Variants in HMGCL observed in about 807,000 individuals in gnomAD.
HMGCL encodes the protein hydroxymethylglutaryl-CoA lyase, mitochondrial.
In HMGCL, 26 loss-of-function variants were observed where a neutral mutation model predicts 37.3. That is an observed-to-expected ratio of 0.70 (90% CI 0.51 to 0.97). HMGCL has a LOEUF of 0.97. Among genes scored for constraint, HMGCL ranks in the 50% least tolerant of loss-of-function variants. The pLI, the probability that HMGCL is intolerant of heterozygous loss-of-function variation, is 0.00. For synonymous variants in HMGCL, 151 were observed against 148.0 expected, an observed-to-expected ratio of 1.02 and a Z score of -0.15; for missense variants, 379 against 398.1, an observed-to-expected ratio of 0.95 and a Z score of 0.41.
chr1:23,804,452 T>C lies in HMGCL; in HGVS notation c.824A>G (p.Asn275Ser), dbSNP rs774486153. 8 of 1,614,048 alleles carry C rather than the reference T, an allele frequency of 5.0e-6. No individual in the cohort carries two copies. The Admixed American group carries it at 1.2e-4, about 24-fold the overall frequency. Reference sequence around the variant, plus strand: ...GTAGACCAGGTCTTCTGTGGCCAAGTTTCCTGATGCCCCCTGTGCGTAGGG... The same window carrying C: ...GTAGACCAGGTCTTCTGTGGCCAAGCTTCCTGATGCCCCCTGTGCGTAGGG... ...GCPYAQGASG[N>S]LATEDLVYML... The change falls in exon 8 of 9, where the codon AAC (asparagine) becomes AGC (serine). Residue 275 changes from asparagine (N) to serine (S), a missense_variant. Asn to Ser is a conservative substitution (Grantham distance 46, BLOSUM62 1). Coordinates refer to ENST00000374490, the MANE Select transcript of HMGCL (RefSeq NM_000191.3).
At chr1:23,822,846 C>T (rs1363647902) in intron 1 of HMGCL, among the ~76,000 whole-genome samples, 3 of 152,072 alleles carry the variant, frequency 2.0e-5, no homozygotes, top group Admixed American at 1.3e-4. Context: ...AATAGGGGCT[C>T]GATAAATAAC....
intron 7 of HMGCL, among the ~76,000 whole-genome samples, chr1:23,805,487 G>C (rs1638390770): frequency 6.6e-6 from 1 of 152,200 alleles, no homozygotes. Context: ...CACTGAAACA[G>C]CTCTAGTCAA....
At chr1:23,821,450 G>T (rs1638718152) in intron 1 of HMGCL, among the ~76,000 whole-genome samples, 1 of 152,098 alleles carries the variant, frequency 6.6e-6, no homozygotes, top group African/African-American at 2.4e-5. Flanking sequence ...GAGGCCAGAG[G>T]TTCGAGATCA....
intron 1 of HMGCL, 56 bp from the exon 2 acceptor site, chr1:23,820,649 G>T: frequency 1.7e-6 from 2 of 1,147,054 alleles, no homozygotes; most frequent in Non-Finnish European, 2.7e-6. Context: ...ACAATTCCCA[G>T]GGAGACCAAT....
chr1:23,802,097 C>G lies in HMGCL; in HGVS notation c.*366G>C. The G allele has an allele frequency of 7.5e-6, 4 of 534,710 alleles. No homozygotes were observed. Among genetic ancestry groups the G allele is most frequent in the African/African-American group, 3.8e-5 (2 of 53,302 alleles). The allele number at this position is 534,710 out of a possible 1,614,324, so 33.1% of individuals were successfully genotyped here. A position where few individuals can be genotyped will look rare whatever the true frequency, so the allele number is the denominator to read the frequency against. On this transcript the variant is annotated 3_prime_UTR_variant, in exon 9 of 9. Transcript: ENST00000374490. ...CCCCACGGCCATGGCAGGGTGGAGCCGTGTAGAGGGTGGCCAGGTGGCCAG... is the reference window on the plus strand; with the variant it reads ...CCCCACGGCCATGGCAGGGTGGAGCGGTGTAGAGGGTGGCCAGGTGGCCAG...
chr1:23,810,671 T>C, intron 6 of HMGCL, 65 bp downstream of exon 6: 2 of 1,378,048 alleles, frequency 1.5e-6, no homozygotes, highest in Admixed American at 1.7e-5. Context: ...GAGGAACCTA[T>C]GCGCTCAGGG....
intron 7 of HMGCL, 26 bp downstream of exon 7, chr1:23,808,109 G>A: frequency 6.2e-7 from 1 of 1,602,282 alleles, no homozygotes; most frequent in Non-Finnish European, 8.6e-7. Context: ...TGACCTTTGG[G>A]AGAATGGGCA....
At chr1:23,804,278 C>T in intron 8 of HMGCL, 122 bp downstream of exon 8, 1 of 1,247,284 alleles carries the variant, frequency 8.0e-7, no homozygotes, top group South Asian at 1.3e-5. Flanking sequence ...GCCTGGCTAA[C>T]CCTTTCCCTC....
intron 5 of HMGCL, among the ~76,000 whole-genome samples, chr1:23,812,600 C>T (rs945770005): frequency 6.6e-6 from 1 of 152,096 alleles, no homozygotes; most frequent in Non-Finnish European, 1.5e-5. Context: ...AGCAACCTGC[C>T]CACCTTGGCC....
At chr1:23,816,269 T>C (rs1638612175) in intron 4 of HMGCL, 1 of 309,814 alleles carries the variant, frequency 3.2e-6, no homozygotes, top group Admixed American at 4.5e-5. Flanking sequence ...CCTCCAAAGA[T>C]GTTCTTGTCT....
rs116504781 is a variant in HMGCL, at chr1:23,807,453, G to A, written c.750+682C>T. On this transcript the variant is annotated intron_variant, in intron 7 of 8. Coordinates refer to ENST00000374490, the MANE Select transcript of HMGCL (RefSeq NM_000191.3). The stretch of plus-strand genomic sequence containing the variant: ...GAACTGCCATCACTATCCTAGAGAT[G>A]GAAGGTTAGGCCAATGCTACAGCAA... Among the ~76,000 whole-genome samples the A allele has an allele frequency of 6.8e-3, 1,039 of 152,308 alleles. 18 individuals are homozygous for A. The highest frequency in any genetic ancestry group is 0.023 in the African/African-American group (975 of 41,554).
chr1:23,824,102 A>T (rs578020105), intron 1 of HMGCL, among the ~76,000 whole-genome samples: 9 of 152,280 alleles, frequency 5.9e-5, no homozygotes, highest in African/African-American at 1.9e-4. Flanking sequence ...CTGCTCAGAG[A>T]GGGTCCCCCT....
At chr1:23,816,919 CTGTT>C in intron 3 of HMGCL, 149 bp from the exon 4 acceptor site, 2 of 706,576 alleles carry the variant, frequency 2.8e-6, no homozygotes, top group Admixed American at 2.0e-5. Flanking sequence ...AATACTTTTA[CTGTT>C]TGTTTGACTG....
chr1:23,803,351 G>A (rs1452545489), intron 8 of HMGCL, among the ~76,000 whole-genome samples: 1 of 152,204 alleles, frequency 6.6e-6, no homozygotes, highest in Admixed American at 6.5e-5. Context: ...ACAGGTGCGT[G>A]CCACCACACC....
At chr1:23,817,686 G>C in intron 2 of HMGCL, 103 bp from the exon 3 acceptor site, 1 of 748,520 alleles carries the variant, frequency 1.3e-6, no homozygotes, top group South Asian at 1.4e-5. Context: ...TTTTGCAGTG[G>C]ATGCAGCTTC....
At position 23,816,727 on chromosome 1, in the gene HMGCL, G is replaced by A; in HGVS notation, c.296C>T (p.Pro99Leu). 6.2e-7 allele frequency: 1 copy of A among 1,613,854 alleles called. No homozygotes were observed. The highest frequency in any genetic ancestry group is 8.5e-7 in the Non-Finnish European group (1 of 1,179,724). The change falls in exon 4 of 9, where the codon CCT (proline) becomes CTT (leucine). Residue 99 changes from proline (P) to leucine (L), a missense_variant. Pro to Leu is a moderately conservative substitution (Grantham distance 98). Transcript: ENST00000374490. ...TEVLKGIQKF[P>L]GINYPVLTPN... The stretch of plus-strand genomic sequence containing the variant: ...GGTCAGGACTGGGTAGTTGATGCCA[G>A]GAAACTTCTGAATGCCCTTCAAGAC...
chr1:23,823,077 G>A (rs1270015496), intron 1 of HMGCL, among the ~76,000 whole-genome samples: 1 of 150,978 alleles, frequency 6.6e-6, no homozygotes, highest in Admixed American at 6.6e-5. Context: ...TCGGGAGGCT[G>A]AGGCAGGAGA....
In HMGCL at chr1:23,806,071, C is replaced by T. The variant is rs1249676723; in HGVS notation, c.751-1546G>A. On this transcript the variant is annotated intron_variant, in intron 7 of 8. Coordinates refer to ENST00000374490, the MANE Select transcript of HMGCL (RefSeq NM_000191.3). This position sits in a 1 kb window ranked among gnomAD's most constrained non-coding sequence, Gnocchi z 4.0. ...GGCTCAAGTGATTCTCATGCCTCAG[C>T]CTCGCAAATAGCTGGGATTACAGGC... Among the ~76,000 whole-genome samples, 1 of 152,144 alleles carries T rather than the reference C, an allele frequency of 6.6e-6. No individual in the cohort carries two copies. The highest frequency in any genetic ancestry group is 1.9e-4 in the East Asian group (1 of 5,188).
chr1:23,816,634 A>G (rs1570651804), intron 4 of HMGCL, 41 bp downstream of exon 4: 2 of 1,180,962 alleles, frequency 1.7e-6, no homozygotes, highest in East Asian at 4.7e-5. Flanking sequence ...AATGCCATCA[A>G]TCTCATTTCA....
Sources: allele counts gnomAD v4.1 joint callset (sites outside exome capture counted in the v4.1 genomes callset), GRCh38; gene constraint gnomAD v4.1.1; non-coding constraint Gnocchi (gnomAD v3.1); transcripts MANE v1.5; gene names NCBI Gene and HGNC (gene_info 2026-07-23, HGNC 2026-07-21).